The following MSRB2 variants were observed in gnomAD, a reference collection of about 807,000 sequenced individuals.
MSRB2 encodes the protein methionine sulfoxide reductase B2.
A neutral mutation model predicts 19.0 loss-of-function variants in MSRB2; 17 were observed. The ratio of observed to expected loss-of-function variants is 0.89; its 90% CI spans 0.61 to 1.34. The LOEUF is 1.34. Among genes scored for constraint, MSRB2 ranks in the 40% most tolerant of loss-of-function variants. The pLI is 0.00. For missense variants in MSRB2, 208 were observed against 237.6 expected (o/e 0.88, Z 0.82); for synonymous variants, 107 against 99.7 (o/e 1.07, Z -0.44).
intron 3 of MSRB2, 124 bp from the exon 4 acceptor site, chr10:23,119,180 G>A (rs1840152221): frequency 7.4e-6 from 9 of 1,223,284 alleles, no homozygotes; most frequent in Non-Finnish European, 1.1e-5. Context: ...GAATAACTGG[G>A]CATGGGATCT....
chr10:23,095,901 TTGG>T (rs1839858247), intron 1 of MSRB2, among the ~76,000 whole-genome samples, 175 bp downstream of exon 1: 1 of 147,492 alleles, frequency 6.8e-6, no homozygotes, highest in African/African-American at 2.6e-5. Context: ...GATTGTAAAC[TTGG>T]TGGCGGCAGG....
intron 4 of MSRB2, 81 bp downstream of exon 4, chr10:23,119,532 G>T (rs1564432334): frequency 1.3e-6 from 2 of 1,520,528 alleles, no homozygotes; most frequent in Non-Finnish European, 1.8e-6. Flanking sequence ...GGCAAATCTG[G>T]TGTCCTTTTA....
At chr10:23,116,886 A>G (rs569814808) in intron 3 of MSRB2, among the ~76,000 whole-genome samples, 18 of 152,254 alleles carry the variant, frequency 1.2e-4, no homozygotes, top group Admixed American at 5.2e-4. Context: ...AATTTGGTAT[A>G]TTATTGCCAC....
chr10:23,113,391 T>C (rs79952552), intron 3 of MSRB2, among the ~76,000 whole-genome samples: 1 of 148,832 alleles, frequency 6.7e-6, no homozygotes, highest in African/African-American at 2.6e-5. Context: ...ACACCATGGG[T>C]TTTTTTTTAA....
chr10:23,121,092 G>T lies in MSRB2; in HGVS notation c.*230G>T. The stretch of plus-strand genomic sequence containing the variant: ...ACCTGATCAGGATCTGGGAGAATTT[G>T]AAAAAAAAAGAAAAACTAGAAAAAT... On this transcript the variant is annotated 3_prime_UTR_variant, in exon 5 of 5. Transcript: ENST00000376510. 2.7e-6 allele frequency: 1 copy of T among 370,380 alleles called. No homozygotes were observed. The highest frequency in any genetic ancestry group is 4.7e-6 in the Non-Finnish European group (1 of 211,060). 22.9% of individuals were successfully genotyped at this position (370,380 alleles called of 1,614,324 possible). A position where few individuals can be genotyped will look rare whatever the true frequency, so the allele number is the denominator to read the frequency against.
At chr10:23,118,096 T>A (rs1221202270) in intron 3 of MSRB2, among the ~76,000 whole-genome samples, 1 of 152,206 alleles carries the variant, frequency 6.6e-6, no homozygotes, top group Non-Finnish European at 1.5e-5. Flanking sequence ...TAAATTCTCA[T>A]TTATAATGTA....
intron 2 of MSRB2, among the ~76,000 whole-genome samples, chr10:23,105,141 C>A (rs1455624720): frequency 5.9e-5 from 9 of 152,022 alleles, no homozygotes; most frequent in Admixed American, 5.9e-4. Flanking sequence ...TCTGAGAGAA[C>A]AACCCTCAGT....
chr10:23,108,154 C>T (rs2033883525), intron 2 of MSRB2, among the ~76,000 whole-genome samples: 1 of 152,096 alleles, frequency 6.6e-6, no homozygotes, highest in Admixed American at 6.5e-5. Context: ...GATGGGGTTT[C>T]ACCATGTTGG....
rs1555804 is a variant in MSRB2 at position 23,104,137 on chromosome 10, A to T, written c.119-7A>T. 2 of 1,595,706 alleles carry T rather than the reference A, an allele frequency of 1.3e-6. No individual in the cohort carries two copies. Among genetic ancestry groups the T allele is most frequent in the East Asian group, 2.2e-5 (1 of 44,558 alleles). On this transcript the variant is annotated splice_region_variant and splice_polypyrimidine_tract_variant and intron_variant, in intron 1 of 4. Transcript: ENST00000376510. ...TTAATTTTTAAAATTCCTGTTTAACAATACAGGGTCTCTTGCAACGTGTGA... is the reference window on the plus strand; with the variant it reads ...TTAATTTTTAAAATTCCTGTTTAACTATACAGGGTCTCTTGCAACGTGTGA...
rs1459916873 is a variant in MSRB2, at chr10:23,118,934, C to T, written c.297-370C>T. ...TGCTCTAAGATGATGATGACTTCCTCCGAGCATTAGTATTTCGTTTTGATT... is the reference window on the plus strand; with the variant it reads ...TGCTCTAAGATGATGATGACTTCCTTCGAGCATTAGTATTTCGTTTTGATT... On this transcript the variant is annotated intron_variant, in intron 3 of 4. Transcript: ENST00000376510. The T allele has an allele frequency of 7.2e-6, 3 of 418,856 alleles. No individual in the cohort carries two copies. In the East Asian group the frequency reaches 2.1e-4, roughly 29 times the overall value. 25.9% of individuals were successfully genotyped at this position (418,856 alleles called of 1,614,324 possible). A position where few individuals can be genotyped will look rare whatever the true frequency, so the allele number is the denominator to read the frequency against.
At chr10:23,101,533 G>A (rs1310040224) in intron 1 of MSRB2, among the ~76,000 whole-genome samples, 2 of 152,204 alleles carry the variant, frequency 1.3e-5, no homozygotes, top group Non-Finnish European at 1.5e-5. Flanking sequence ...CCAGTAGTGG[G>A]ATTGCTGGAT....
rs375351961 is a variant in MSRB2, at chr10:23,114,176, C to T, written c.296+3858C>T. Among the ~76,000 whole-genome samples the T allele has an allele frequency of 6.6e-3, 1,004 of 152,100 alleles. 6 individuals carry two copies. Among genetic ancestry groups the T allele is most frequent in the South Asian group, 0.011 (55 of 4,806 alleles). On this transcript the variant is annotated intron_variant, in intron 3 of 4. Coordinates refer to ENST00000376510, the MANE Select transcript of MSRB2 (RefSeq NM_012228.4). ...ACCAGCCTGACCAGTATAGCAAAAT[C>T]CTGTCTCTACTAAAAATACAAAAAC...
intron 1 of MSRB2, among the ~76,000 whole-genome samples, chr10:23,097,287 C>G (rs549783508): frequency 4.6e-5 from 7 of 152,220 alleles, no homozygotes; most frequent in Non-Finnish European, 1.0e-4. Flanking sequence ...CTCTCGGTTA[C>G]TTCCTGGCTC....
intron 2 of MSRB2, among the ~76,000 whole-genome samples, chr10:23,106,129 T>C (rs766280898): frequency 6.6e-6 from 1 of 152,230 alleles, no homozygotes. Flanking sequence ...TGGTGCAATA[T>C]ACTCTCTGCA....
chr10:23,120,861 G>A lies in MSRB2; in HGVS notation c.548G>A (p.Ter183=). The A allele has an allele frequency of 6.2e-7, 1 of 1,612,788 alleles. No homozygotes were observed. The highest frequency in any genetic ancestry group is 8.5e-7 in the Non-Finnish European group (1 of 1,179,064). ...TTGAAGTTCAAACCAAGGAAACACT[G>A]ACCATCTTCAAGAGTCCCGTTCCCT... is the stretch of plus-strand genomic sequence containing the variant. The part of the protein sequence containing the change: ...VALKFKPRKH[*] The change falls in exon 5 of 5, where the codon TGA becomes TAA. Residue 183 remains the stop codon, a stop_retained_variant. Coordinates refer to ENST00000376510, the MANE Select transcript of MSRB2 (RefSeq NM_012228.4).
chr10:23,110,237 T>C lies in MSRB2; in HGVS notation c.220-5T>C, dbSNP rs200823005. ...CTGAACATGACATATCTAATTTACT[T>C]TCAGCCTTTCAGTGGGATCTACCTG... is the stretch of plus-strand genomic sequence containing the variant. On this transcript the variant is annotated splice_polypyrimidine_tract_variant and splice_region_variant and intron_variant, in intron 2 of 4. Coordinates refer to ENST00000376510, the MANE Select transcript of MSRB2 (RefSeq NM_012228.4). The C allele has an allele frequency of 6.8e-6, 11 of 1,612,052 alleles. No homozygotes were observed. The highest frequency in any genetic ancestry group is 9.3e-6 in the Non-Finnish European group (11 of 1,178,374).
Position 23,111,379 on chromosome 10 carries a change from A to G in MSRB2, c.296+1061A>G, listed in dbSNP as rs1249215701. Among the ~76,000 whole-genome samples the G allele has an allele frequency of 2.6e-5, 4 of 152,218 alleles. No individual in the cohort carries two copies. The East Asian group carries it at 7.7e-4, about 29-fold the overall frequency. ...AGGTAGGATTTTGAGATGGCCCATG[A>G]GCTTTCAGCCATAGAACCATGCTGC... On this transcript the variant is annotated intron_variant, in intron 3 of 4. Coordinates refer to ENST00000376510, the MANE Select transcript of MSRB2 (RefSeq NM_012228.4).
chr10:23,114,762 G>C (rs1176711463), intron 3 of MSRB2, among the ~76,000 whole-genome samples: 2 of 152,174 alleles, frequency 1.3e-5, no homozygotes, highest in Non-Finnish European at 2.9e-5. Flanking sequence ...CTGAGAGCTA[G>C]GAAGATGAAA....
intron 3 of MSRB2, among the ~76,000 whole-genome samples, chr10:23,116,929 A>G (rs1408857643): frequency 1.3e-5 from 2 of 152,118 alleles, no homozygotes; most frequent in Non-Finnish European, 2.9e-5. Context: ...TATGATCTCT[A>G]TTTAAACATT....
Sources: allele counts gnomAD v4.1 joint callset (sites outside exome capture counted in the v4.1 genomes callset), GRCh38; gene constraint gnomAD v4.1.1; transcripts MANE v1.5; gene names NCBI Gene and HGNC (gene_info 2026-07-23, HGNC 2026-07-21).